The following PEX1 variants were observed in gnomAD, a reference collection of about 807,000 sequenced individuals.
PEX1 encodes the protein peroxisomal biogenesis factor 1, also known as peroxisomal ATPase PEX1.
Under a neutral mutation model 152.5 loss-of-function variants are expected in PEX1, and 97 were observed. That is an observed-to-expected ratio of 0.64 (90% CI 0.54 to 0.75). The LOEUF (loss-of-function observed/expected upper bound fraction) is 0.75, where lower values mean the gene tolerates loss of function less well. Ranked by LOEUF, PEX1 falls within the 30% of genes least tolerant of loss-of-function variation. The pLI is 0.00. For synonymous variants in PEX1, 485 were observed against 531.6 expected, an observed-to-expected ratio of 0.91 and a Z score of 1.21; for missense variants, 1,357 against 1,516.3, an observed-to-expected ratio of 0.89 and a Z score of 1.74.
Position 92,487,034 on chromosome 7 carries a change from A to T in PEX1, c.*423T>A, listed in dbSNP as rs559962859. On this transcript the variant is annotated 3_prime_UTR_variant, in exon 24 of 24. Coordinates refer to ENST00000248633, the MANE Select transcript of PEX1 (RefSeq NM_000466.3). The stretch of plus-strand genomic sequence containing the variant: ...AGAACAGATAATTGTATCAGTAGGT[A>T]ATAGGATATTTTATTTCAAAACAGT... The T allele has an allele frequency of 6.5e-6, 1 of 154,304 alleles. No homozygotes were observed. The highest frequency in any genetic ancestry group is 1.9e-4 in the East Asian group (1 of 5,254). 9.6% of individuals were successfully genotyped at this position (154,304 alleles called of 1,614,324 possible).
Position 92,503,205 on chromosome 7 carries a change from A to T in PEX1, c.2072-10T>A. The T allele has an allele frequency of 6.2e-7, 1 of 1,612,188 alleles. No homozygotes were observed. Among genetic ancestry groups the T allele is most frequent in the Non-Finnish European group, 8.5e-7 (1 of 1,178,616 alleles). ...ATCATATCATTCAAAGCTGGAATTA[A>T]GCAATATAGTGCAAAAGCTTAGGAA... On this transcript the variant is annotated splice_polypyrimidine_tract_variant and intron_variant, in intron 12 of 23. Transcript: ENST00000248633.
intron 5 of PEX1, among the ~76,000 whole-genome samples, chr7:92,516,050 AGAGAAAAAAGAAAAG>A (rs539869462): frequency 0.071 from 6,248 of 88,038 alleles, 166 homozygotes; most frequent in Non-Finnish European, 0.086. Flanking sequence ...AGAGAAGAGA[AGAGAAAAAAGAAAAG>A]AAAAGAAAAG....
chr7:92,498,068 GAAAAA>G (rs781116048), intron 16 of PEX1, among the ~76,000 whole-genome samples: 3 of 51,030 alleles, frequency 5.9e-5, no homozygotes, highest in African/African-American at 1.5e-4. Context: ...CAGTCTCAGA[GAAAAA>G]AAAAAAAAAA....
intron 9 of PEX1, chr7:92,507,382 G>T (rs998075424): frequency 1.3e-5 from 5 of 395,742 alleles, no homozygotes; most frequent in South Asian, 2.5e-5. Context: ...GGGACTTCAG[G>T]AGTGTAACAC....
chr7:92,506,342 T>G lies in PEX1; in HGVS notation c.1806A>C (p.Gly602=), dbSNP rs1408690334. ...NGALLLTGGK[G]SGKSTLAKAI... The stretch of plus-strand genomic sequence containing the variant: ...CTTTGGCTAAAGTTGATTTTCCACT[T>G]CCCTAGAAAATAATTGCTTTATAGG... The change falls in exon 11 of 24, where the codon GGA becomes GGC. Residue 602 remains glycine, a splice_region_variant and synonymous_variant. Coordinates refer to ENST00000248633, the MANE Select transcript of PEX1 (RefSeq NM_000466.3). 2 of 1,587,738 alleles carry G rather than the reference T, an allele frequency of 1.3e-6. No homozygotes were observed. Among genetic ancestry groups the G allele is most frequent in the East Asian group, 4.5e-5 (2 of 44,662 alleles).
At chr7:92,514,931 C>G (rs1420816637) in intron 5 of PEX1, among the ~76,000 whole-genome samples, 1 of 151,450 alleles carries the variant, frequency 6.6e-6, no homozygotes, top group Non-Finnish European at 1.5e-5. Context: ...GAGCCTGTAT[C>G]CTAGCTACTC....
intron 17 of PEX1, 75 bp from the exon 18 acceptor site, chr7:92,494,704 A>T (rs1337080679): frequency 8.6e-7 from 1 of 1,168,968 alleles, no homozygotes; most frequent in Non-Finnish European, 1.2e-6. Flanking sequence ...TACATATATG[A>T]ATGTATTTAT....
intron 10 of PEX1, 56 bp from the exon 11 acceptor site, chr7:92,506,400 CCT>C: frequency 9.1e-7 from 1 of 1,101,852 alleles, no homozygotes; most frequent in East Asian, 2.4e-5. Context: ...AGAAATAGTT[CCT>C]GTCATTGTGG....
At chr7:92,500,887 G>A (rs561765177) in intron 15 of PEX1, among the ~76,000 whole-genome samples, 21 of 152,192 alleles carry the variant, frequency 1.4e-4, no homozygotes, top group African/African-American at 5.1e-4. Context: ...CTGACATCCC[G>A]GGTCTGGAAA....
chr7:92,515,087 A>C (rs1362672651), intron 5 of PEX1, among the ~76,000 whole-genome samples: 99 of 3,922 alleles, frequency 0.025, 4 homozygotes, highest in South Asian at 0.16. Flanking sequence ...ATATATATAT[A>C]TATATATATA....
At chr7:92,523,540 A>C (rs1793140996) in intron 1 of PEX1, among the ~76,000 whole-genome samples, 1 of 152,030 alleles carries the variant, frequency 6.6e-6, no homozygotes, top group Non-Finnish European at 1.5e-5. Context: ...GCTGGTCTTA[A>C]GCTCCTGGTC....
rs538829611 is a variant in PEX1, at chr7:92,514,523, T to C, written c.1240-556A>G. Reference sequence around the variant, plus strand: ...CAAATTAAATGTTATTTCTAATCTTTGAGCAGCCTTTATTTGTGAAAGTTA... The same window carrying C: ...CAAATTAAATGTTATTTCTAATCTTCGAGCAGCCTTTATTTGTGAAAGTTA... On this transcript the variant is annotated intron_variant, in intron 5 of 23. Coordinates refer to ENST00000248633, the MANE Select transcript of PEX1 (RefSeq NM_000466.3). 2.0e-5 allele frequency among the ~76,000 whole-genome samples: 3 copies of C among 152,342 alleles called. No homozygotes were observed. The East Asian group carries it at 5.8e-4, about 29-fold the overall frequency.
rs61750419 is a variant in PEX1, at chr7:92,501,914, G to A, written c.2392C>T (p.Arg798Cys). The A allele has an allele frequency of 2.4e-5, 38 of 1,613,618 alleles. No homozygotes were observed. Among genetic ancestry groups the A allele is most frequent in the African/African-American group, 6.7e-5 (5 of 74,902 alleles). Residue 798 changes from arginine to cysteine, a missense_variant, in exon 14 of 24, where the codon CGT becomes TGT. Physicochemically the swap from Arg to Cys is radical, Grantham distance 180. Transcript: ENST00000248633. ...VDRAIHSRLS[R>C]QSISTREKLV... The stretch of plus-strand genomic sequence containing the variant: ...CTTTCTCTGGTGGATATACTCTGAC[G>A]AGAGAGTCGAGAATGTATGGCTCGA...
At chr7:92,512,502 C>CT (rs1362393321) in intron 6 of PEX1, among the ~76,000 whole-genome samples, 1 of 151,220 alleles carries the variant, frequency 6.6e-6, no homozygotes, top group Non-Finnish European at 1.5e-5. Context: ...TTTATTTTTA[C>CT]TTTTTTTGAA....
chr7:92,502,995 C>A, intron 13 of PEX1, 46 bp downstream of exon 13: 1 of 1,517,052 alleles, frequency 6.6e-7, no homozygotes, highest in Non-Finnish European at 9.1e-7. Flanking sequence ...AAAATAATTT[C>A]TATAAAAGGG....
chr7:92,504,942 A>C (rs1391832702), intron 11 of PEX1, 40 bp from the exon 12 acceptor site: 1 of 1,476,346 alleles, frequency 6.8e-7, no homozygotes, highest in Non-Finnish European at 9.5e-7. Flanking sequence ...GTATCATTTC[A>C]GTGCTGGGAA....
intron 17 of PEX1, among the ~76,000 whole-genome samples, chr7:92,496,344 G>C (rs1313795478): frequency 6.6e-6 from 1 of 151,864 alleles, no homozygotes; most frequent in African/African-American, 2.4e-5. Flanking sequence ...ATGGACTCTT[G>C]ACTTATAAGA....
intron 23 of PEX1, 103 bp from the exon 24 acceptor site, chr7:92,487,644 G>A: frequency 1.4e-5 from 7 of 507,430 alleles, no homozygotes; most frequent in African/African-American, 4.0e-5. Flanking sequence ...GAAATGAACG[G>A]GAAATAACAA....
At chr7:92,496,378 A>G (rs1791653972) in intron 17 of PEX1, among the ~76,000 whole-genome samples, 1 of 152,128 alleles carries the variant, frequency 6.6e-6, no homozygotes, top group Non-Finnish European at 1.5e-5. Flanking sequence ...CTGGGGGAAA[A>G]AAGAATTTAG....
Sources: allele counts gnomAD v4.1 joint callset (sites outside exome capture counted in the v4.1 genomes callset), GRCh38; gene constraint gnomAD v4.1.1; transcripts MANE v1.5; gene names NCBI Gene and HGNC (gene_info 2026-07-23, HGNC 2026-07-21).